Variants in CSMD1 observed in about 807,000 individuals in gnomAD.
CSMD1 encodes CUB and sushi domain-containing protein 1.
A neutral mutation model predicts 417.5 loss-of-function variants in CSMD1; 213 were observed. The ratio of observed to expected loss-of-function variants is 0.51; its 90% CI spans 0.46 to 0.57. The LOEUF is 0.57. Ranked by LOEUF, CSMD1 falls within the 20% of genes least tolerant of loss-of-function variation. The pLI is 0.00. For missense variants in CSMD1, 6,923 were observed against 4,529.7 expected (o/e 1.53, Z -15.17); for synonymous variants, 2,862 against 1,736.8 (o/e 1.65, Z -16.11).
At chr8:4,296,243 A>G (rs937316945) in intron 3 of CSMD1, among the ~76,000 whole-genome samples, 2 of 152,088 alleles carry the variant, frequency 1.3e-5, no homozygotes, top group African/African-American at 4.8e-5. Context: ...CAGTGATTAG[A>G]GCTGGAGGAG....
intron 5 of CSMD1, among the ~76,000 whole-genome samples, chr8:3,765,210 G>C (rs754659001): frequency 6.6e-6 from 1 of 152,048 alleles, no homozygotes; most frequent in African/African-American, 2.4e-5. Flanking sequence ...ATGTGGTGGC[G>C]ATCACTCCCT....
At chr8:3,551,389 G>A (rs1443454442) in intron 10 of CSMD1, among the ~76,000 whole-genome samples, 2 of 152,044 alleles carry the variant, frequency 1.3e-5, no homozygotes, top group Non-Finnish European at 2.9e-5. Context: ...AGTAGATGCA[G>A]GGGGTAAATG....
At chr8:3,301,159 G>C (rs1443819410) in intron 25 of CSMD1, among the ~76,000 whole-genome samples, 2 of 151,468 alleles carry the variant, frequency 1.3e-5, no homozygotes, top group East Asian at 3.9e-4. Context: ...AATCTATATA[G>C]ACATTAGTTT....
At chr8:3,886,877 T>A (rs995834332) in intron 5 of CSMD1, among the ~76,000 whole-genome samples, 6 of 152,120 alleles carry the variant, frequency 3.9e-5, no homozygotes, top group African/African-American at 1.4e-4. Flanking sequence ...CTATACTGGC[T>A]CTCGCATGGT....
At chr8:4,961,265 T>C (rs146962118) in intron 1 of CSMD1, among the ~76,000 whole-genome samples, 1 of 152,130 alleles carries the variant, frequency 6.6e-6, no homozygotes, top group Non-Finnish European at 1.5e-5. Flanking sequence ...TCAAAATATT[T>C]TATCCCATCA....
intron 2 of CSMD1, among the ~76,000 whole-genome samples, chr8:4,437,803 C>T (rs552718730): frequency 2.0e-5 from 3 of 152,212 alleles, no homozygotes; most frequent in South Asian, 4.1e-4. Context: ...ACTTCATAGG[C>T]CGTGTTTGGT....
intron 26 of CSMD1, among the ~76,000 whole-genome samples, chr8:3,277,073 C>A (rs999935856): frequency 6.6e-6 from 1 of 152,070 alleles, no homozygotes; most frequent in African/African-American, 2.4e-5. Flanking sequence ...CGGGGAAGGT[C>A]AGTCCAGTGT....
chr8:4,132,835 G>C (rs2680626), intron 3 of CSMD1, among the ~76,000 whole-genome samples: 33,840 of 152,104 alleles, frequency 0.22, 3,889 homozygotes, highest in East Asian at 0.3. Flanking sequence ...ATGATAGACA[G>C]TTTGTAGCTC....
intron 4 of CSMD1, among the ~76,000 whole-genome samples, chr8:4,030,880 T>G (rs370003264): frequency 1.6e-4 from 24 of 152,292 alleles, no homozygotes; most frequent in Admixed American, 5.9e-4. Flanking sequence ...CCCCAAATCA[T>G]CTCTCTCAAG....
chr8:3,667,941 C>A (rs944029362), intron 7 of CSMD1, among the ~76,000 whole-genome samples: 1 of 152,050 alleles, frequency 6.6e-6, no homozygotes, highest in Non-Finnish European at 1.5e-5. Context: ...GCCAATTCAC[C>A]CACCCATTTC....
chr8:4,203,505 G>C (rs1039489004), intron 3 of CSMD1, among the ~76,000 whole-genome samples: 1 of 152,208 alleles, frequency 6.6e-6, no homozygotes, highest in Admixed American at 6.5e-5. Flanking sequence ...ATGAGCAAAC[G>C]GAAGACTTTC....
intron 1 of CSMD1, among the ~76,000 whole-genome samples, chr8:4,844,089 T>A (rs1800995288): frequency 6.6e-6 from 1 of 152,198 alleles, no homozygotes; most frequent in Admixed American, 6.5e-5. Context: ...GGAAAAATAA[T>A]GCATGAAGTG....
intron 25 of CSMD1, among the ~76,000 whole-genome samples, chr8:3,306,927 C>G (rs945570344): frequency 1.2e-4 from 18 of 152,060 alleles, no homozygotes; most frequent in African/African-American, 3.9e-4. Flanking sequence ...GAATAGAACA[C>G]TTTTTGTTTA....
chr8:4,481,243 A>G (rs1801083313), intron 2 of CSMD1, among the ~76,000 whole-genome samples: 1 of 152,222 alleles, frequency 6.6e-6, no homozygotes, highest in Non-Finnish European at 1.5e-5. Flanking sequence ...CCAAATTTAG[A>G]TTTGTACGTG....
chr8:4,780,254 G>T (rs535146286), intron 1 of CSMD1, among the ~76,000 whole-genome samples: 1 of 152,210 alleles, frequency 6.6e-6, no homozygotes, highest in African/African-American at 2.4e-5. Flanking sequence ...CTGAAGGTGT[G>T]CAGATTGGCA....
chr8:4,695,099 T>G (rs2116784939), intron 1 of CSMD1, among the ~76,000 whole-genome samples: 1 of 152,296 alleles, frequency 6.6e-6, no homozygotes, highest in Admixed American at 6.5e-5. Flanking sequence ...TCATCATCAC[T>G]TAAGCCTGGG....
intron 23 of CSMD1, among the ~76,000 whole-genome samples, chr8:3,340,824 A>G (rs1301147619): frequency 1.3e-5 from 2 of 152,206 alleles, no homozygotes; most frequent in Non-Finnish European, 2.9e-5. Context: ...CTCTAAGATA[A>G]TCTTGCAAAG....
At chr8:3,182,975 GTC>G (rs1554454909) in intron 36 of CSMD1, 1 of 142,252 alleles carries the variant, frequency 7.0e-6, no homozygotes, top group Non-Finnish European at 1.5e-5. Flanking sequence ...AGTTAGGATG[GTC>G]TCGATCAACT....
intron 3 of CSMD1, among the ~76,000 whole-genome samples, chr8:4,139,976 G>A (rs919072386): frequency 1.4e-5 from 2 of 145,992 alleles, no homozygotes; most frequent in South Asian, 4.4e-4. Flanking sequence ...ATGTTTATGT[G>A]GGCAGGGGTT....
Sources: allele counts gnomAD v4.1 joint callset (sites outside exome capture counted in the v4.1 genomes callset), GRCh38; gene constraint gnomAD v4.1.1; transcripts MANE v1.5; gene names NCBI Gene and HGNC (gene_info 2026-07-23, HGNC 2026-07-21).